Variants in NKAIN2 observed in about 807,000 individuals in gnomAD.
NKAIN2 encodes the protein sodium/potassium transporting ATPase interacting 2.
NKAIN2 carries 14 observed loss-of-function variants against 32.6 expected under a neutral mutation model. The ratio of observed to expected loss-of-function variants is 0.43; its 90% confidence interval spans 0.28 to 0.67. The LOEUF is 0.67. Among genes scored for constraint, NKAIN2 ranks in the 30% least tolerant of loss-of-function variants. The probability of loss-of-function intolerance (pLI) is 0.17; values close to 1 mark genes in which losing one functional copy is unlikely to be tolerated. For synonymous variants in NKAIN2, 80 were observed against 87.2 expected (o/e 0.92, Z 0.46); for missense variants, 198 against 258.3 (o/e 0.77, Z 1.60).
chr6:124,348,393 A>C (rs1583096476), intron 2 of NKAIN2, among the ~76,000 whole-genome samples: 1 of 152,172 alleles, frequency 6.6e-6, no homozygotes. Context: ...AAGTCTGCAG[A>C]GGTTACTGCT....
intron 2 of NKAIN2, among the ~76,000 whole-genome samples, chr6:124,339,813 T>C (rs183405912): frequency 5.3e-5 from 8 of 152,252 alleles, no homozygotes; most frequent in Admixed American, 5.2e-4. Context: ...CAGCCTACTA[T>C]TGTGCGTGTG....
intron 1 of NKAIN2, among the ~76,000 whole-genome samples, chr6:123,934,277 G>A (rs1333580960): frequency 1.3e-5 from 2 of 151,996 alleles, no homozygotes; most frequent in Non-Finnish European, 2.9e-5. Context: ...GATGTCTCTG[G>A]TTATATTTTG....
chr6:124,246,168 G>A (rs558316001), intron 1 of NKAIN2, among the ~76,000 whole-genome samples: 36 of 152,144 alleles, frequency 2.4e-4, no homozygotes, highest in African/African-American at 7.9e-4. Context: ...ATAAGATAGT[G>A]TTTCAATGGT....
At chr6:124,009,240 TTC>T (rs949844495) in intron 1 of NKAIN2, among the ~76,000 whole-genome samples, 2 of 152,124 alleles carry the variant, frequency 1.3e-5, no homozygotes, top group Non-Finnish European at 2.9e-5. Context: ...GTCTCTATCT[TTC>T]TGTTGCTTGC....
At chr6:124,049,894 C>A (rs149710666) in intron 1 of NKAIN2, among the ~76,000 whole-genome samples, 1 of 151,906 alleles carries the variant, frequency 6.6e-6, no homozygotes, top group Non-Finnish European at 1.5e-5. Context: ...GCAGTTTGGA[C>A]GTGCCAAAGA....
intron 1 of NKAIN2, among the ~76,000 whole-genome samples, chr6:124,278,693 T>A (rs1795157068): frequency 1.1e-5 from 1 of 91,938 alleles, no homozygotes; most frequent in African/African-American, 3.8e-5. Context: ...ATATATATGC[T>A]ATTATATGAG....
In NKAIN2 at chr6:124,384,834, G is replaced by C. The variant is rs1396535833; in HGVS notation, c.273+29487G>C. 3.9e-5 allele frequency among the ~76,000 whole-genome samples: 6 copies of C among 152,016 alleles called. No individual in the cohort carries two copies. The East Asian group carries it at 9.7e-4, about 25-fold the overall frequency. ...TGCGGGGTTTTGCCATGTTGCCCAGGCTGCTCTGAAACTCCTGGGCTCAAA... is the reference window on the plus strand; with the variant it reads ...TGCGGGGTTTTGCCATGTTGCCCAGCCTGCTCTGAAACTCCTGGGCTCAAA... On this transcript the variant is annotated intron_variant, in intron 3 of 6. Coordinates refer to ENST00000368417, the MANE Select transcript of NKAIN2 (RefSeq NM_001040214.3).
intron 3 of NKAIN2, among the ~76,000 whole-genome samples, chr6:124,369,880 A>ATTT (rs61588781): frequency 1.7e-4 from 14 of 82,384 alleles, no homozygotes; most frequent in African/African-American, 6.3e-4. Context: ...CAGAATGTCA[A>ATTT]TTTTTTTTTT....
At chr6:124,744,356 C>T (rs1777362628) in intron 4 of NKAIN2, among the ~76,000 whole-genome samples, 1 of 151,838 alleles carries the variant, frequency 6.6e-6, no homozygotes, top group Non-Finnish European at 1.5e-5. Flanking sequence ...ATCTGAGTGA[C>T]TTATGACAGT....
chr6:124,406,167 G>A (rs1773851605), intron 3 of NKAIN2, among the ~76,000 whole-genome samples: 1 of 152,054 alleles, frequency 6.6e-6, no homozygotes, highest in Non-Finnish European at 1.5e-5. Context: ...CCAAAATCAA[G>A]ATAAATATAT....
chr6:124,737,774 A>G (rs1777025048), intron 4 of NKAIN2, among the ~76,000 whole-genome samples: 2 of 151,896 alleles, frequency 1.3e-5, no homozygotes, highest in South Asian at 4.1e-4. Flanking sequence ...GTGGTCTCAG[A>G]TGGTGATGAG....
intron 1 of NKAIN2, among the ~76,000 whole-genome samples, chr6:123,893,873 A>G (rs1289468604): frequency 6.6e-6 from 1 of 152,182 alleles, no homozygotes; most frequent in Non-Finnish European, 1.5e-5. Flanking sequence ...CAGAAGGCCC[A>G]GTATCTTAAA....
At chr6:123,955,818 G>T (rs1777553987) in intron 1 of NKAIN2, among the ~76,000 whole-genome samples, 1 of 151,848 alleles carries the variant, frequency 6.6e-6, no homozygotes, top group Non-Finnish European at 1.5e-5. Flanking sequence ...GAGAGAAGGG[G>T]GGTCTTCCTA....
chr6:123,818,562 A>C (rs1773796009), intron 1 of NKAIN2, among the ~76,000 whole-genome samples: 1 of 152,152 alleles, frequency 6.6e-6, no homozygotes, highest in Non-Finnish European at 1.5e-5. Flanking sequence ...AAAACAGCAG[A>C]GATTTATCTT....
rs1170501393 is a variant in NKAIN2, at chr6:123,976,358, TATATATATATTCCC to T, written c.54+172115_54+172128del. Among the ~76,000 whole-genome samples the T allele has an allele frequency of 4.0e-4, 14 of 35,224 alleles. 1 individual carries two copies. Among genetic ancestry groups the T allele is most frequent in the African/African-American group, 7.2e-4 (5 of 6,940 alleles). The allele number at this position is 35,224 out of a possible 152,430, so 23.1% of individuals were successfully genotyped here. On this transcript the variant is annotated intron_variant, in intron 1 of 6. Transcript: ENST00000368417. ...ATATATATATGTTCCCATATATATATATATATATATTCCCATATATATATATATATATATATATA... is the reference window on the plus strand; with the variant it reads ...ATATATATATGTTCCCATATATATATATATATATATATATATATATATATA...
At chr6:123,865,925 T>C (rs1775964168) in intron 1 of NKAIN2, among the ~76,000 whole-genome samples, 1 of 152,196 alleles carries the variant, frequency 6.6e-6, no homozygotes, top group African/African-American at 2.4e-5. Flanking sequence ...AATTGTACAA[T>C]GTAACAAAAT....
chr6:124,428,536 C>A (rs936265081), intron 3 of NKAIN2, among the ~76,000 whole-genome samples: 1 of 152,110 alleles, frequency 6.6e-6, no homozygotes, highest in Non-Finnish European at 1.5e-5. Flanking sequence ...GTTGATGATT[C>A]TCATTTGTCA....
intron 1 of NKAIN2, among the ~76,000 whole-genome samples, chr6:123,848,944 A>G (rs1775203026): frequency 6.6e-6 from 1 of 152,224 alleles, no homozygotes; most frequent in African/African-American, 2.4e-5. Context: ...CTGCCAAATT[A>G]TTTAAGCTAA....
chr6:124,370,145 C>A (rs142577623), intron 3 of NKAIN2, among the ~76,000 whole-genome samples: 1 of 150,950 alleles, frequency 6.6e-6, no homozygotes, highest in African/African-American at 2.4e-5. Flanking sequence ...TAGTTCAGTA[C>A]GCTACAGGTA....
Sources: allele counts gnomAD v4.1 joint callset (sites outside exome capture counted in the v4.1 genomes callset), GRCh38; gene constraint gnomAD v4.1.1; transcripts MANE v1.5; gene names NCBI Gene and HGNC (gene_info 2026-07-23, HGNC 2026-07-21).